Variants in KAT6A observed in about 807,000 individuals in gnomAD.
The protein encoded by KAT6A is histone acetyltransferase KAT6A.
A neutral mutation model predicts 198.4 loss-of-function variants in KAT6A; 9 were observed. The ratio of observed to expected loss-of-function variants is 0.05; its 90% CI spans 0.03 to 0.08. The LOEUF (loss-of-function observed/expected upper bound fraction) is 0.08. Ranked by LOEUF, KAT6A falls within the 10% of genes least tolerant of loss-of-function variation. KAT6A has a pLI of 1.00. For synonymous variants in KAT6A, 890 were observed against 883.0 expected, an observed-to-expected ratio of 1.01 and a Z score of -0.14; for missense variants, 2,077 against 2,509.9, an observed-to-expected ratio of 0.83 and a Z score of 3.69.
intron 8 of KAT6A, among the ~76,000 whole-genome samples, chr8:41,966,636 G>A (rs1041048447): frequency 6.6e-6 from 1 of 151,954 alleles, no homozygotes; most frequent in Admixed American, 6.6e-5. Flanking sequence ...CTCAGGTTGC[G>A]CCAATTCTCA....
chr8:41,998,844 A>T (rs1768140479), intron 2 of KAT6A, among the ~76,000 whole-genome samples: 1 of 152,078 alleles, frequency 6.6e-6, no homozygotes, highest in African/African-American at 2.4e-5. Context: ...AAAGATTTAT[A>T]ATAATTAAAA....
intron 2 of KAT6A, among the ~76,000 whole-genome samples, chr8:42,040,601 G>C (rs1013816845): frequency 2.6e-5 from 4 of 151,864 alleles, no homozygotes; most frequent in African/African-American, 9.7e-5. Flanking sequence ...CAGGCGTGGT[G>C]GCGGGTGCAT....
rs767737158 is a variant in KAT6A, at chr8:41,934,144, C to T, written c.4076G>A (p.Ser1359Asn). The T allele has an allele frequency of 6.8e-6, 11 of 1,614,038 alleles. No homozygotes were observed. The highest frequency in any genetic ancestry group is 1.1e-5 in the South Asian group (1 of 91,084). Residue 1359 changes from serine to asparagine, a missense_variant, in exon 17 of 17, where the codon AGT (serine) becomes AAT (asparagine). Ser to Asn is a conservative substitution (Grantham distance 46, BLOSUM62 1). Coordinates refer to ENST00000265713, the MANE Select transcript of KAT6A (RefSeq NM_006766.5). ...CTCTTTATCCTTTATCTTTTCCCTA[C>T]TCTTCTGCATATTAGCATCTAAAAA... ...ESFLDANMQK[S>N]REKIKDKEET...
chr8:41,939,780 A>C (rs934876643), intron 15 of KAT6A, among the ~76,000 whole-genome samples: 1 of 152,216 alleles, frequency 6.6e-6, no homozygotes, highest in African/African-American at 2.4e-5. Context: ...ATGTAATGCG[A>C]TATGCTGGGT....
intron 2 of KAT6A, among the ~76,000 whole-genome samples, chr8:42,036,605 T>G (rs1465472130): frequency 6.6e-6 from 1 of 151,130 alleles, no homozygotes; most frequent in East Asian, 1.9e-4. Flanking sequence ...AGAGCAAGAC[T>G]CCAACTCAAA....
Position 41,941,254 on chromosome 8 carries a change from T to G in KAT6A, c.2627A>C (p.Gln876Pro), listed in dbSNP as rs537857698. The change falls in exon 15 of 17, where the codon CAG becomes CCG. Residue 876 changes from glutamine (Q) to proline (P), a missense_variant. Transcript: ENST00000265713. The part of the protein sequence containing the change: ...GRWGRKNRKT[Q>P]ERFGDKDSKL... ...AGAATCTTTATCACCAAAACGTTCC[T>G]GGGTTTTTCTGTTCTTCCTCCCCCA... The G allele has an allele frequency of 1.1e-4, 172 of 1,614,226 alleles. No individual in the cohort carries two copies. The South Asian group carries it at 1.9e-3, about 18-fold the overall frequency.
intron 2 of KAT6A, among the ~76,000 whole-genome samples, chr8:42,033,213 C>G (rs1827213010): frequency 1.3e-5 from 2 of 152,038 alleles, no homozygotes; most frequent in Admixed American, 1.3e-4. Context: ...AATGTGTTTA[C>G]CTCTGTCACC....
intron 2 of KAT6A, among the ~76,000 whole-genome samples, chr8:42,020,975 TG>T (rs200336971): frequency 1.5e-4 from 22 of 151,526 alleles, no homozygotes; most frequent in African/African-American, 2.2e-4. Flanking sequence ...AACTTAACAA[TG>T]GGGGGGGTAC....
intron 8 of KAT6A, among the ~76,000 whole-genome samples, chr8:41,973,750 T>C (rs1006577417): frequency 2.6e-5 from 4 of 152,068 alleles, no homozygotes; most frequent in Non-Finnish European, 4.4e-5. Flanking sequence ...TTCAAGTCTA[T>C]TCCACCTTCA....
intron 2 of KAT6A, among the ~76,000 whole-genome samples, chr8:42,040,074 AATACCTATT>A (rs1218306628): frequency 6.6e-6 from 1 of 151,922 alleles, no homozygotes; most frequent in African/African-American, 2.4e-5. Context: ...AATACTATTA[AATACCTATT>A]ATATAAATAT....
intron 2 of KAT6A, among the ~76,000 whole-genome samples, chr8:41,992,767 G>A (rs141811874): frequency 6.6e-6 from 1 of 152,252 alleles, no homozygotes; most frequent in East Asian, 1.9e-4. Flanking sequence ...GAACAGTATC[G>A]CAACTCAAAC....
chr8:41,970,544 G>C (rs1823736756), intron 8 of KAT6A, among the ~76,000 whole-genome samples: 1 of 152,132 alleles, frequency 6.6e-6, no homozygotes, highest in African/African-American at 2.4e-5. Flanking sequence ...TATTTACTGA[G>C]CCTTTACTAT....
chr8:42,009,902 A>C (rs1042309689), intron 2 of KAT6A, among the ~76,000 whole-genome samples: 2 of 143,810 alleles, frequency 1.4e-5, no homozygotes, highest in Admixed American at 6.8e-5. Context: ...CTCAAAAAAA[A>C]AAAAAAAAAA....
At chr8:42,002,094 A>G (rs1484813016) in intron 2 of KAT6A, among the ~76,000 whole-genome samples, 3 of 152,168 alleles carry the variant, frequency 2.0e-5, no homozygotes, top group Admixed American at 1.3e-4. Flanking sequence ...GCACTGTTCT[A>G]TATGCTCTAC....
Position 42,038,814 on chromosome 8 carries a change from A to G in KAT6A, c.600+9564T>C, listed in dbSNP as rs529560097. Among the ~76,000 whole-genome samples the G allele has an allele frequency of 9.2e-5, 14 of 152,350 alleles. No individual in the cohort carries two copies. In the South Asian group the frequency reaches 2.3e-3, roughly 25 times the overall value. On this transcript the variant is annotated intron_variant, in intron 2 of 16. Transcript: ENST00000265713. ...ATACCTCAATCAACACTACAGCCAG[A>G]CTTACTTTTCCTTAGCAGTCTTTTT...
intron 9 of KAT6A, among the ~76,000 whole-genome samples, chr8:41,953,712 G>C (rs181405548): frequency 1.3e-5 from 2 of 152,072 alleles, no homozygotes; most frequent in Non-Finnish European, 2.9e-5. Flanking sequence ...GACCTCAGGC[G>C]ATCTGCCTAT....
At chr8:42,029,350 A>G (rs1016647724) in intron 2 of KAT6A, among the ~76,000 whole-genome samples, 1 of 152,220 alleles carries the variant, frequency 6.6e-6, no homozygotes, top group Non-Finnish European at 1.5e-5. Flanking sequence ...TTCAGTTATT[A>G]TTTCAGTAAT....
chr8:42,042,423 C>T (rs1382661573), intron 2 of KAT6A, among the ~76,000 whole-genome samples: 1 of 145,318 alleles, frequency 6.9e-6, no homozygotes, highest in Non-Finnish European at 1.5e-5. Flanking sequence ...GCCTGGGCAA[C>T]AAAGCAAGAC....
chr8:42,021,911 T>C (rs1289055931), intron 2 of KAT6A, among the ~76,000 whole-genome samples: 1 of 151,740 alleles, frequency 6.6e-6, no homozygotes, highest in African/African-American at 2.4e-5. Flanking sequence ...CTGAACAGAG[T>C]AAGACTCTGT....
Sources: allele counts gnomAD v4.1 joint callset (sites outside exome capture counted in the v4.1 genomes callset), GRCh38; gene constraint gnomAD v4.1.1; transcripts MANE v1.5; gene names NCBI Gene and HGNC (gene_info 2026-07-23, HGNC 2026-07-21).